The following ACOX1 variants were observed in gnomAD, a reference collection of about 807,000 sequenced individuals.
ACOX1 encodes the protein peroxisomal acyl-coenzyme A oxidase 1.
ACOX1 carries 41 observed loss-of-function variants against 75.5 expected under a neutral mutation model. That is an observed-to-expected ratio of 0.54 (90% CI 0.42 to 0.70). The LOEUF is 0.70. Ranked by LOEUF, ACOX1 falls within the 30% of genes least tolerant of loss-of-function variation. The pLI, the probability that ACOX1 is intolerant of heterozygous loss-of-function variation, is 0.00. For synonymous variants in ACOX1, 303 were observed against 298.8 expected (o/e 1.01, Z -0.15); for missense variants, 630 against 837.5 (o/e 0.75, Z 3.06).
Position 75,978,704 on chromosome 17 carries a change from G to C in ACOX1, c.110-11C>G. 1 of 1,613,502 alleles carries C rather than the reference G, an allele frequency of 6.2e-7. No individual in the cohort carries two copies. The highest frequency in any genetic ancestry group is 1.3e-5 in the African/African-American group (1 of 74,848). On this transcript the variant is annotated splice_polypyrimidine_tract_variant and intron_variant, in intron 1 of 13. Coordinates refer to ENST00000293217, the MANE Select transcript of ACOX1 (RefSeq NM_004035.7). This position sits in a 1 kb window ranked among gnomAD's most constrained non-coding sequence, Gnocchi z 4.2. ...TCAGGATCATGTTCTCTGAAAGGGG[G>C]TTAAAGGGCATTAAAAGGCAGACAG... is the stretch of plus-strand genomic sequence containing the variant.
chr17:75,961,685 G>T (rs1213653473), intron 2 of ACOX1, among the ~76,000 whole-genome samples: 2 of 149,742 alleles, frequency 1.3e-5, no homozygotes, highest in Non-Finnish European at 3.0e-5. Flanking sequence ...AGGAGAACCT[G>T]GGAGGCGGTG....
chr17:75,972,761 G>A (rs901914526), intron 2 of ACOX1, among the ~76,000 whole-genome samples: 3 of 151,952 alleles, frequency 2.0e-5, no homozygotes, highest in Non-Finnish European at 4.4e-5. Flanking sequence ...TAAAGTGTCT[G>A]GAACATCAAA....
intron 7 of ACOX1, 97 bp from the exon 8 acceptor site, chr17:75,951,674 T>C (rs2065775590): frequency 7.8e-7 from 1 of 1,275,944 alleles, no homozygotes; most frequent in Admixed American, 1.8e-5. Context: ...TATTTTAACT[T>C]ATTTAGTCCT....
intron 2 of ACOX1, among the ~76,000 whole-genome samples, chr17:75,975,050 CAA>C (rs1022347068): frequency 2.5e-4 from 10 of 40,272 alleles, no homozygotes; most frequent in Middle Eastern, 0.014. Context: ...ACTCTGTCTC[CAA>C]AAAAAAAAAA....
intron 7 of ACOX1, among the ~76,000 whole-genome samples, 181 bp from the exon 8 acceptor site, chr17:75,951,758 G>C (rs1598176551): frequency 2.7e-5 from 4 of 150,274 alleles, no homozygotes; most frequent in Admixed American, 2.7e-4. Context: ...TTAAGAATCT[G>C]CCTGAGGTCA....
chr17:75,945,109 T>C lies in ACOX1; in HGVS notation c.*1639A>G, dbSNP rs2065707948. Reference sequence around the variant, plus strand: ...CAAAGGGGGCTCTGCAGGTCGATGATCTCCTCAAACCTGCAAAGACATCCC... The same window carrying C: ...CAAAGGGGGCTCTGCAGGTCGATGACCTCCTCAAACCTGCAAAGACATCCC... On this transcript the variant is annotated 3_prime_UTR_variant, in exon 14 of 14. Transcript: ENST00000293217. The C allele has an allele frequency of 1.3e-5, 2 of 152,104 alleles. No homozygotes were observed. Among genetic ancestry groups the C allele is most frequent in the Admixed American group, 1.3e-4 (2 of 15,246 alleles). 9.4% of individuals were successfully genotyped at this position (152,104 alleles called of 1,614,324 possible). A position where few individuals can be genotyped will look rare whatever the true frequency, so the allele number is the denominator to read the frequency against.
At position 75,978,479 on chromosome 17, in the gene ACOX1, C is replaced by T. The variant is rs147921045; in HGVS notation, c.269+55G>A. 5.4e-4 allele frequency: 867 copies of T among 1,605,942 alleles called. 7 individuals are homozygous for T. In the African/African-American group the frequency reaches 0.01, roughly 19 times the overall value. On this transcript the variant is annotated intron_variant, in intron 2 of 13. Transcript: ENST00000293217. The surrounding 1 kb of genome is among the most constrained non-coding windows in gnomAD (Gnocchi z 4.2). ...ACGGTGATGAAAGGCCACCATAGAC[C>T]GCAGCTGTAAAGTTTAGGCTTAACA...
intron 9 of ACOX1, 85 bp from the exon 10 acceptor site, chr17:75,949,982 C>G: frequency 6.8e-7 from 1 of 1,479,460 alleles, no homozygotes; most frequent in South Asian, 1.2e-5. Flanking sequence ...GTTGCCTAGG[C>G]TGGATGGAGT....
At chr17:75,957,341 A>G (rs992387291) in intron 4 of ACOX1, 118 bp downstream of exon 4, 4 of 935,896 alleles carry the variant, frequency 4.3e-6, no homozygotes, top group East Asian at 4.9e-5. Flanking sequence ...TCAGCCTCCC[A>G]AAGTGTTAGG....
chr17:75,965,403 A>AT (rs761332782), intron 2 of ACOX1, among the ~76,000 whole-genome samples: 2 of 151,770 alleles, frequency 1.3e-5, no homozygotes, highest in Non-Finnish European at 1.5e-5. Flanking sequence ...AAAGATAAAA[A>AT]TAACAGGAAA....
Position 75,943,079 on chromosome 17 carries a change from A to T in ACOX1, c.*3669T>A, listed in dbSNP as rs1194703609. The T allele has an allele frequency of 6.6e-6, 1 of 152,028 alleles. No individual in the cohort carries two copies. Among genetic ancestry groups the T allele is most frequent in the Non-Finnish European group, 1.5e-5 (1 of 68,028 alleles). The allele number at this position is 152,028 out of a possible 1,614,324, so 9.4% of individuals were successfully genotyped here. ...CATCTCTGCTCAAAATACAAAAATT[A>T]GCCGAGCGTGATGGCAGGTGCCTGT... On this transcript the variant is annotated 3_prime_UTR_variant, in exon 14 of 14. Transcript: ENST00000293217.
intron 4 of ACOX1, 38 bp from the exon 5 acceptor site, chr17:75,955,985 C>A: frequency 6.2e-7 from 1 of 1,613,322 alleles, no homozygotes; most frequent in Non-Finnish European, 8.5e-7. Flanking sequence ...GGTGGGCAAA[C>A]GTTCATACAT....
Position 75,948,328 on chromosome 17 carries a change from C to CA in ACOX1, c.1857dup (p.Val620CysfsTer6). The CA allele has an allele frequency of 4.3e-6, 7 of 1,614,158 alleles. No homozygotes were observed. The highest frequency in any genetic ancestry group is 5.9e-6 in the Non-Finnish European group (7 of 1,180,024). ...ACATTCCCATCATAGCGGCCAAGCA[C>CA]AGAGCCAAGTGTCACATCCTGAAAA... On this transcript the variant is annotated frameshift_variant, in exon 13 of 14. Transcript: ENST00000293217. LOFTEE classifies it high-confidence loss of function.
intron 4 of ACOX1, among the ~76,000 whole-genome samples, chr17:75,956,673 G>A (rs2051849915): frequency 6.8e-6 from 1 of 147,844 alleles, no homozygotes; most frequent in African/African-American, 2.5e-5. Context: ...GGGTGACACA[G>A]TGAGACTCCA....
At chr17:75,953,705 A>G (rs918046015) in intron 6 of ACOX1, 85 bp from the exon 7 acceptor site, 1 of 1,479,476 alleles carries the variant, frequency 6.8e-7, no homozygotes, top group Non-Finnish European at 9.4e-7. Flanking sequence ...TCCCTGGAAT[A>G]GCAGCATCAG....
chr17:75,948,468 C>A lies in ACOX1; in HGVS notation c.1729-11G>T. 1 of 1,610,568 alleles carries A rather than the reference C, an allele frequency of 6.2e-7. No individual in the cohort carries two copies. Among genetic ancestry groups the A allele is most frequent in the Non-Finnish European group, 8.5e-7 (1 of 1,177,054 alleles). On this transcript the variant is annotated splice_polypyrimidine_tract_variant and intron_variant, in intron 12 of 13. Transcript: ENST00000293217. ...TGTCATGATGCTCCCCTAAAAGAGA[C>A]CAAAATAAGTAAATAAAACATATAT...
intron 2 of ACOX1, among the ~76,000 whole-genome samples, chr17:75,963,988 A>T (rs574786812): frequency 8.5e-5 from 13 of 152,058 alleles, no homozygotes; most frequent in African/African-American, 3.1e-4. Flanking sequence ...GTTCGAGACC[A>T]GCCTGGGCAA....
chr17:75,957,516 G>T lies in ACOX1; in HGVS notation c.481C>A (p.Gln161Lys). Residue 161 changes from glutamine (Q) to lysine (K), a missense_variant, in exon 4 of 14, where the codon CAG becomes AAG. Transcript: ENST00000293217. ...ETTATYDPETQEFILNSPTVT... is the reference protein window; with the variant it reads ...ETTATYDPETKEFILNSPTVT... ...GTAGGACTGTTGAGAATGAACTCCT[G>T]GGTTTCAGGGTCATACGTGGCTGTG... 6.2e-7 allele frequency: 1 copy of T among 1,614,150 alleles called. No homozygotes were observed. The highest frequency in any genetic ancestry group is 1.1e-5 in the South Asian group (1 of 91,086).
intron 2 of ACOX1, among the ~76,000 whole-genome samples, chr17:75,968,003 T>A (rs1364592217): frequency 1.3e-5 from 2 of 151,010 alleles, no homozygotes; most frequent in Non-Finnish European, 2.9e-5. Flanking sequence ...CCTCCCAAAG[T>A]GCTGGGATTA....
Sources: gnomAD v4.1 joint callset for allele counts (sites outside exome capture counted in the v4.1 genomes callset) on GRCh38, gnomAD v4.1.1 for gene constraint, Gnocchi (gnomAD v3.1) non-coding constraint, MANE v1.5 for transcripts, NCBI Gene and HGNC (gene_info 2026-07-23, HGNC 2026-07-21) for gene names.